The following LRMDA variants were observed in gnomAD, a reference collection of about 807,000 sequenced individuals.
LRMDA encodes leucine-rich melanocyte differentiation-associated protein.
LRMDA carries 18 observed loss-of-function variants against 29.8 expected under a neutral mutation model. The ratio of observed to expected loss-of-function variants is 0.60; its 90% CI spans 0.42 to 0.90. The LOEUF is 0.90. Ranked by LOEUF, LRMDA falls within the 40% of genes least tolerant of loss-of-function variation. The pLI is 0.00. For synonymous variants in LRMDA, 125 were observed against 109.4 expected (o/e 1.14, Z -0.89); for missense variants, 273 against 273.9 (o/e 1.00, Z 0.02).
At chr10:75,729,574 G>A (rs1006197302) in intron 2 of LRMDA, among the ~76,000 whole-genome samples, 1 of 152,202 alleles carries the variant, frequency 6.6e-6, no homozygotes, top group Non-Finnish European at 1.5e-5. Flanking sequence ...TAGTTTCTTG[G>A]TGTGGGAAGG....
chr10:75,982,297 A>G (rs1847186221), intron 2 of LRMDA, among the ~76,000 whole-genome samples: 2 of 152,096 alleles, frequency 1.3e-5, no homozygotes, highest in Admixed American at 1.3e-4. Context: ...GTCTTCTCTC[A>G]CTTGGAAAGG....
Position 75,899,896 on chromosome 10 carries a change from A to G in LRMDA, c.132-136112A>G, listed in dbSNP as rs1202184176. 3.9e-5 allele frequency among the ~76,000 whole-genome samples: 6 copies of G among 152,316 alleles called. No individual in the cohort carries two copies. In the East Asian group the frequency reaches 1.2e-3, roughly 29 times the overall value. ...AATCCACATCAGGCCCAGAAGAGAAATGTTTCTTTGAAGACCTGTCTCTAT... is the reference window on the plus strand; with the variant it reads ...AATCCACATCAGGCCCAGAAGAGAAGTGTTTCTTTGAAGACCTGTCTCTAT... On this transcript the variant is annotated intron_variant, in intron 2 of 6. Transcript: ENST00000611255.
rs1319969667 is a variant in LRMDA at position 76,496,127 on chromosome 10, A to G, written c.602-61082A>G. On this transcript the variant is annotated intron_variant, in intron 6 of 6. Transcript: ENST00000611255. ...TTCTGGGTCTTGTACCCAGTGCACC[A>G]TGGTTTACTAGATTTTCCACTCTAG... 2.7e-5 allele frequency among the ~76,000 whole-genome samples: 2 copies of G among 75,178 alleles called. 1 individual carries two copies. Among genetic ancestry groups the G allele is most frequent in the Non-Finnish European group, 8.8e-5 (2 of 22,738 alleles). The allele number at this position is 75,178 out of a possible 152,430, so 49.3% of individuals were successfully genotyped here. A position where few individuals can be genotyped will look rare whatever the true frequency, so the allele number is the denominator to read the frequency against.
chr10:76,476,177 A>G (rs1306231617), intron 6 of LRMDA, among the ~76,000 whole-genome samples: 1 of 152,204 alleles, frequency 6.6e-6, no homozygotes, highest in East Asian at 1.9e-4. Context: ...AATAAAAGAG[A>G]GAAGAATCAA....
intron 2 of LRMDA, among the ~76,000 whole-genome samples, chr10:75,633,142 G>A (rs980402342): frequency 4.6e-5 from 7 of 152,120 alleles, no homozygotes; most frequent in Admixed American, 6.5e-5. Context: ...GCAAAGTGAC[G>A]GCTTTTCTTT....
chr10:75,732,551 C>T (rs1439356668), intron 2 of LRMDA, among the ~76,000 whole-genome samples: 4 of 152,198 alleles, frequency 2.6e-5, no homozygotes, highest in Admixed American at 2.6e-4. Flanking sequence ...TGGAATGTGG[C>T]AGCATGGTGA....
chr10:75,467,897 G>T (rs1195908385), intron 2 of LRMDA, among the ~76,000 whole-genome samples: 1 of 151,492 alleles, frequency 6.6e-6, no homozygotes, highest in Non-Finnish European at 1.5e-5. Context: ...GGAGGTGGAG[G>T]TTGCAGTGAG....
chr10:75,784,595 A>G (rs1196972594), intron 2 of LRMDA, among the ~76,000 whole-genome samples: 2 of 151,806 alleles, frequency 1.3e-5, no homozygotes, highest in African/African-American at 4.8e-5. Context: ...GCTACTTGGA[A>G]GGCTGAGGCA....
At chr10:75,680,020 C>T (rs1377568183) in intron 2 of LRMDA, among the ~76,000 whole-genome samples, 1 of 152,256 alleles carries the variant, frequency 6.6e-6, no homozygotes, top group Admixed American at 6.5e-5. Context: ...TAGTTGGTAT[C>T]TCTCCATTTC....
At chr10:76,203,366 T>C (rs1851468291) in intron 5 of LRMDA, among the ~76,000 whole-genome samples, 1 of 152,186 alleles carries the variant, frequency 6.6e-6, no homozygotes, top group African/African-American at 2.4e-5. Context: ...GCTCTCAACC[T>C]CCTGGGCTCA....
chr10:75,676,231 C>T (rs888836626), intron 2 of LRMDA, among the ~76,000 whole-genome samples: 1 of 152,182 alleles, frequency 6.6e-6, no homozygotes. Context: ...AAGGTGTTTT[C>T]TTCTCTGATT....
At chr10:76,476,866 A>G (rs576005120) in intron 6 of LRMDA, among the ~76,000 whole-genome samples, 1 of 152,164 alleles carries the variant, frequency 6.6e-6, no homozygotes, top group Non-Finnish European at 1.5e-5. Context: ...CATGCTAAAA[A>G]CTCTCAATAA....
chr10:76,387,060 G>A (rs1442096505), intron 6 of LRMDA, among the ~76,000 whole-genome samples: 1 of 152,206 alleles, frequency 6.6e-6, no homozygotes. Context: ...AGGGCACAAT[G>A]ATGCTATCTT....
intron 2 of LRMDA, among the ~76,000 whole-genome samples, chr10:75,485,809 C>CA (rs1456569132): frequency 6.6e-6 from 1 of 152,162 alleles, no homozygotes; most frequent in Non-Finnish European, 1.5e-5. Context: ...AACACCTGAC[C>CA]TCAAGTGATC....
At chr10:76,285,563 T>C (rs928418190) in intron 5 of LRMDA, among the ~76,000 whole-genome samples, 1 of 152,188 alleles carries the variant, frequency 6.6e-6, no homozygotes, top group Non-Finnish European at 1.5e-5. Context: ...TTTTATGTGA[T>C]AGGTAGGTAG....
chr10:75,640,008 A>T (rs1467232860), intron 2 of LRMDA, among the ~76,000 whole-genome samples: 1 of 152,248 alleles, frequency 6.6e-6, no homozygotes, highest in Admixed American at 6.5e-5. Context: ...ACTTGTGCTA[A>T]AGATCAGAAA....
intron 2 of LRMDA, among the ~76,000 whole-genome samples, chr10:75,605,626 T>A (rs1840946856): frequency 2.0e-5 from 3 of 152,250 alleles, no homozygotes; most frequent in Admixed American, 2.0e-4. Context: ...CTCCTGCCGC[T>A]GCTCTAATGT....
At chr10:76,073,263 C>T (rs888635108) in intron 5 of LRMDA, among the ~76,000 whole-genome samples, 3 of 152,158 alleles carry the variant, frequency 2.0e-5, no homozygotes, top group Non-Finnish European at 4.4e-5. Context: ...ACTCTATTCC[C>T]TATATGTGAC....
chr10:76,249,639 A>G (rs1391117148), intron 5 of LRMDA, among the ~76,000 whole-genome samples: 1 of 152,246 alleles, frequency 6.6e-6, no homozygotes, highest in Non-Finnish European at 1.5e-5. Context: ...AAAGAAACAG[A>G]AAATATTGCT....
Sources: gnomAD v4.1 joint callset for allele counts (sites outside exome capture counted in the v4.1 genomes callset) on GRCh38, gnomAD v4.1.1 for gene constraint, MANE v1.5 for transcripts, NCBI Gene and HGNC (gene_info 2026-07-23, HGNC 2026-07-21) for gene names.